The following CDKAL1 variants were observed in gnomAD, a reference collection of about 807,000 sequenced individuals.
CDKAL1 encodes CDKAL1 threonylcarbamoyladenosine tRNA methylthiotransferase.
A neutral mutation model predicts 68.2 loss-of-function variants in CDKAL1; 32 were observed. The observed-to-expected ratio is 0.47, with a 90% CI of 0.35 to 0.63. The LOEUF is 0.63. Among genes scored for constraint, CDKAL1 ranks in the 30% least tolerant of loss-of-function variants. CDKAL1 has a pLI of 0.00. For missense variants in CDKAL1, 606 were observed against 696.7 expected, an observed-to-expected ratio of 0.87 and a Z score of 1.47; for synonymous variants, 234 against 244.3, an observed-to-expected ratio of 0.96 and a Z score of 0.39.
chr6:20,893,873 T>C (rs941348989), intron 9 of CDKAL1, among the ~76,000 whole-genome samples: 33 of 152,130 alleles, frequency 2.2e-4, no homozygotes, highest in African/African-American at 7.7e-4. Flanking sequence ...TGATCATGAG[T>C]AATTGTATAG....
intron 10 of CDKAL1, among the ~76,000 whole-genome samples, chr6:20,979,536 T>A (rs907528504): frequency 2.6e-5 from 4 of 151,936 alleles, no homozygotes; most frequent in African/African-American, 9.7e-5. Context: ...GGAAAAGCAG[T>A]AGGTCTGCTT....
intron 9 of CDKAL1, among the ~76,000 whole-genome samples, chr6:20,873,831 C>T (rs1249060343): frequency 6.6e-6 from 1 of 152,178 alleles, no homozygotes; most frequent in Non-Finnish European, 1.5e-5. Flanking sequence ...CCAGGTTTCT[C>T]TTAACTTCCA....
intron 13 of CDKAL1, among the ~76,000 whole-genome samples, chr6:21,170,570 G>C (rs9465979): frequency 0.24 from 36,263 of 151,872 alleles, 4,563 homozygotes; most frequent in Admixed American, 0.3. Flanking sequence ...CCTCATGATC[G>C]ACCCGCCTCA....
intron 15 of CDKAL1, among the ~76,000 whole-genome samples, chr6:21,208,610 C>CTT (rs34797264): frequency 6.6e-6 from 1 of 151,730 alleles, no homozygotes; most frequent in Non-Finnish European, 1.5e-5. Flanking sequence ...TTTTCTGTTC[C>CTT]TTTTTTTTCT....
chr6:20,810,664 G>A (rs1184743830), intron 8 of CDKAL1, among the ~76,000 whole-genome samples: 1 of 99,452 alleles, frequency 1.0e-5, no homozygotes, highest in African/African-American at 3.9e-5. Flanking sequence ...GTGTGTGTGT[G>A]TAATATATTG....
At chr6:20,666,179 G>C (rs1769533725) in intron 5 of CDKAL1, among the ~76,000 whole-genome samples, 1 of 151,992 alleles carries the variant, frequency 6.6e-6, no homozygotes, top group South Asian at 2.1e-4. Flanking sequence ...GGCAATTTAT[G>C]AAAGAGGATG....
intron 4 of CDKAL1, among the ~76,000 whole-genome samples, chr6:20,599,080 A>G (rs889787267): frequency 6.6e-5 from 10 of 152,072 alleles, no homozygotes; most frequent in African/African-American, 2.4e-4. Context: ...CCCAAAATAT[A>G]AAGGCAAAAG....
intron 8 of CDKAL1, among the ~76,000 whole-genome samples, chr6:20,841,182 A>T (rs1304275666): frequency 1.3e-5 from 2 of 152,186 alleles, no homozygotes; most frequent in African/African-American, 2.4e-5. Context: ...CTATCAATTT[A>T]TGAAAAACAA....
intron 4 of CDKAL1, among the ~76,000 whole-genome samples, chr6:20,612,990 T>TACAC (rs55999857): frequency 0.034 from 4,435 of 129,844 alleles, 85 homozygotes; most frequent in Non-Finnish European, 0.047. Flanking sequence ...TTGCAATTTC[T>TACAC]ACACACACAC....
At chr6:20,860,091 C>G (rs1235370956) in intron 9 of CDKAL1, among the ~76,000 whole-genome samples, 1 of 151,110 alleles carries the variant, frequency 6.6e-6, no homozygotes, top group South Asian at 2.1e-4. Flanking sequence ...TTTTTCTTTT[C>G]TTTTGAGATG....
At chr6:20,682,603 C>T (rs2127793592) in intron 5 of CDKAL1, among the ~76,000 whole-genome samples, 1 of 152,226 alleles carries the variant, frequency 6.6e-6, no homozygotes, top group African/African-American at 2.4e-5. Flanking sequence ...GGATGTCTGC[C>T]CCCATGATTC....
chr6:20,915,666 A>G (rs1000769627), intron 9 of CDKAL1, among the ~76,000 whole-genome samples: 3 of 152,166 alleles, frequency 2.0e-5, no homozygotes, highest in Non-Finnish European at 4.4e-5. Context: ...TAATTATCCC[A>G]GGTACCGTGT....
intron 12 of CDKAL1, 56 bp downstream of exon 12, chr6:21,065,284 C>T (rs910525671): frequency 1.5e-6 from 2 of 1,290,986 alleles, no homozygotes; most frequent in African/African-American, 3.0e-5. Flanking sequence ...AGAAATGCAG[C>T]TGTGTTGCCT....
At chr6:20,921,675 T>C (rs1252838994) in intron 9 of CDKAL1, among the ~76,000 whole-genome samples, 1 of 152,192 alleles carries the variant, frequency 6.6e-6, no homozygotes, top group African/African-American at 2.4e-5. Flanking sequence ...TGTGGCTTGA[T>C]TTCACAGGCT....
intron 12 of CDKAL1, among the ~76,000 whole-genome samples, chr6:21,102,589 G>A (rs1773636230): frequency 6.6e-6 from 1 of 152,084 alleles, no homozygotes; most frequent in African/African-American, 2.4e-5. Flanking sequence ...TTTTCATCTT[G>A]CACCTCTTGG....
intron 5 of CDKAL1, among the ~76,000 whole-genome samples, chr6:20,664,394 A>G (rs1769431547): frequency 6.6e-6 from 1 of 152,136 alleles, no homozygotes; most frequent in African/African-American, 2.4e-5. Flanking sequence ...CCAACCAACA[A>G]TTTGCTTTCC....
rs1326008297 is a variant in CDKAL1, at chr6:20,995,883, A to AC, written c.910-4343dup. Among the ~76,000 whole-genome samples, 5 of 152,314 alleles carry AC rather than the reference A, an allele frequency of 3.3e-5. No individual in the cohort carries two copies. The East Asian group carries it at 5.8e-4, about 18-fold the overall frequency. ...ACCTATGAAAGTCCTAGATGCCACC[A>AC]CTTTTTAATAGAAGGCTGTTTTGTC... On this transcript the variant is annotated intron_variant, in intron 10 of 15. Coordinates refer to ENST00000274695, the MANE Select transcript of CDKAL1 (RefSeq NM_017774.3).
rs569391556 is a variant in CDKAL1 at position 20,683,418 on chromosome 6, G to A, written c.371+34041G>A. Among the ~76,000 whole-genome samples the A allele has an allele frequency of 5.2e-4, 79 of 152,204 alleles. 2 individuals carry two copies. In the South Asian group the frequency reaches 0.014, roughly 28 times the overall value. On this transcript the variant is annotated intron_variant, in intron 5 of 15. Coordinates refer to ENST00000274695, the MANE Select transcript of CDKAL1 (RefSeq NM_017774.3). ...GAGTACCAGAGTAATTCAGCATTTG[G>A]TTTAAAAGTCTTGGCTTTACTTATA...
intron 5 of CDKAL1, among the ~76,000 whole-genome samples, chr6:20,686,069 C>A (rs897582166): frequency 2.3e-5 from 3 of 132,452 alleles, no homozygotes; most frequent in Non-Finnish European, 4.7e-5. Flanking sequence ...TGCTAAATAG[C>A]TTATTTGTTT....
Sources: gnomAD v4.1 joint callset for allele counts (sites outside exome capture counted in the v4.1 genomes callset) on GRCh38, gnomAD v4.1.1 for gene constraint, MANE v1.5 for transcripts, NCBI Gene and HGNC (gene_info 2026-07-23, HGNC 2026-07-21) for gene names.